Variants in BRD4 observed in about 807,000 individuals in gnomAD.
The protein encoded by BRD4 is bromodomain-containing protein 4.
BRD4 carries 16 observed loss-of-function variants against 142.1 expected under a neutral mutation model. The observed-to-expected ratio is 0.11, with a 90% confidence interval of 0.08 to 0.17. The LOEUF (loss-of-function observed/expected upper bound fraction) is 0.17, where lower values mean the gene tolerates loss of function less well. BRD4 is among the 10% of genes least tolerant of loss of function. The pLI is 1.00. For synonymous variants in BRD4, 833 were observed against 707.5 expected, an observed-to-expected ratio of 1.18 and a Z score of -2.82; for missense variants, 1,424 against 1,810.9, an observed-to-expected ratio of 0.79 and a Z score of 3.88.
intron 13 of BRD4, 46 bp from the exon 14 acceptor site, chr19:15,243,533 C>T (rs774828073): frequency 1.3e-6 from 2 of 1,498,786 alleles, no homozygotes; most frequent in East Asian, 2.4e-5. Context: ...GCACCTGTGG[C>T]CCCAGCCTGG....
In BRD4 at chr19:15,238,036, C is replaced by T. The variant is rs199752874; in HGVS notation, c.*341G>A. ...CCAGTCACGGCGGCAGCAACGATGT[C>T]CTGTGTATACTGTGTAGACATTTGG... On this transcript the variant is annotated 3_prime_UTR_variant, in exon 20 of 20. Transcript: ENST00000679869. The surrounding 1 kb of genome is among the most constrained non-coding windows in gnomAD (Gnocchi z 7.2). 4 of 295,596 alleles carry T rather than the reference C, an allele frequency of 1.4e-5. No homozygotes were observed. The highest frequency in any genetic ancestry group is 2.5e-5 in the Non-Finnish European group (4 of 158,310). 18.3% of individuals were successfully genotyped at this position (295,596 alleles called of 1,614,324 possible).
Position 15,309,634 on chromosome 19 carries a change from A to G in BRD4, c.-35+22656T>C, listed in dbSNP as rs376962291. Among the ~76,000 whole-genome samples the G allele has an allele frequency of 3.5e-4, 54 of 152,360 alleles. No individual in the cohort carries two copies. The East Asian group carries it at 5.0e-3, about 14-fold the overall frequency. On this transcript the variant is annotated intron_variant, in intron 1 of 19. Transcript: ENST00000679869. ...GTGGGCACTCACAGAGGTATTATTC[A>G]TAAGAGCCAAAAACTAGAAACCAAA...
chr19:15,307,251 C>G (rs531446122), intron 1 of BRD4, among the ~76,000 whole-genome samples: 1 of 152,152 alleles, frequency 6.6e-6, no homozygotes, highest in Non-Finnish European at 1.5e-5. Flanking sequence ...GAAGTAAGAG[C>G]GCTGCAGGGT....
chr19:15,284,526 A>T (rs552588833), intron 1 of BRD4, among the ~76,000 whole-genome samples: 1 of 152,192 alleles, frequency 6.6e-6, no homozygotes, highest in Non-Finnish European at 1.5e-5. Context: ...TTGATGGTCA[A>T]TGCCGTCCTA....
At chr19:15,325,727 A>C (rs1431253496) in intron 1 of BRD4, among the ~76,000 whole-genome samples, 1 of 152,146 alleles carries the variant, frequency 6.6e-6, no homozygotes, top group Non-Finnish European at 1.5e-5. Context: ...CACCAGATGA[A>C]GTGGCTCACA....
At chr19:15,332,227 G>C (rs2048168170) in intron 1 of BRD4, 63 bp downstream of exon 1, 1 of 147,462 alleles carries the variant, frequency 6.8e-6, no homozygotes, top group South Asian at 1.8e-4. Context: ...TACGCGGACC[G>C]CGCCGCGAGC....
At chr19:15,275,028 T>C (rs1181477227) in intron 1 of BRD4, among the ~76,000 whole-genome samples, 1 of 151,880 alleles carries the variant, frequency 6.6e-6, no homozygotes, top group African/African-American at 2.4e-5. Flanking sequence ...CTGGCTAATA[T>C]TTGTATTTTT....
In BRD4 at chr19:15,238,611, G is replaced by A; in HGVS notation, c.4020+132C>T. 6.8e-7 allele frequency: 1 copy of A among 1,468,834 alleles called. No individual in the cohort carries two copies. Among genetic ancestry groups the A allele is most frequent in the Middle Eastern group, 2.5e-4 (1 of 3,946 alleles). 91.0% of individuals were successfully genotyped at this position (1,468,834 alleles called of 1,614,324 possible). On this transcript the variant is annotated intron_variant, in intron 19 of 19. Coordinates refer to ENST00000679869, the MANE Select transcript of BRD4 (RefSeq NM_001379291.1). The surrounding 1 kb of genome is among the most constrained non-coding windows in gnomAD (Gnocchi z 7.2). ...ACTCAGGGCCCTACAGCTGAGTCCA[G>A]AGGACCACATGCCGACCAGCAGGGA... is the stretch of plus-strand genomic sequence containing the variant.
chr19:15,309,996 A>G (rs973026917), intron 1 of BRD4, among the ~76,000 whole-genome samples: 5 of 152,122 alleles, frequency 3.3e-5, no homozygotes, highest in Admixed American at 1.3e-4. Context: ...GCACCCTCGC[A>G]CTTAAAACAT....
At chr19:15,261,083 C>T (rs940794042) in intron 7 of BRD4, among the ~76,000 whole-genome samples, 18 of 152,216 alleles carry the variant, frequency 1.2e-4, no homozygotes, top group African/African-American at 1.2e-4. Flanking sequence ...GCAAAAGCTG[C>T]GCCCCTGTCT....
At chr19:15,292,985 C>A (rs974942878) in intron 1 of BRD4, among the ~76,000 whole-genome samples, 13 of 151,764 alleles carry the variant, frequency 8.6e-5, no homozygotes, top group Non-Finnish European at 1.9e-4. Context: ...GTTAAGTGCC[C>A]CTGAAAGGGT....
Position 15,244,316 on chromosome 19 carries a change from C to T in BRD4, c.2496G>A (p.Gln832=), listed in dbSNP as rs1396833623. Residue 832 remains glutamine (Q), a synonymous_variant, in exon 13 of 20, where the codon CAG becomes CAA. Coordinates refer to ENST00000679869, the MANE Select transcript of BRD4 (RefSeq NM_001379291.1). ...HFTQPILHLP[Q]PELPPHLPQP... Reference sequence around the variant, plus strand: ...GGGGCAGGTGAGGGGGCAGCTCAGGCTGCGGCAGGTGCAGGATGGGCTGGG... The same window carrying T: ...GGGGCAGGTGAGGGGGCAGCTCAGGTTGCGGCAGGTGCAGGATGGGCTGGG... The T allele has an allele frequency of 2.5e-6, 4 of 1,597,680 alleles. No individual in the cohort carries two copies. In the African/African-American group the frequency reaches 4.0e-5, roughly 16 times the overall value.
intron 1 of BRD4, among the ~76,000 whole-genome samples, chr19:15,294,354 T>A (rs1468388871): frequency 6.6e-5 from 10 of 152,244 alleles, no homozygotes; most frequent in African/African-American, 2.4e-4. Context: ...GCCCTCAAGA[T>A]GCTGTCTGCC....
intron 1 of BRD4, among the ~76,000 whole-genome samples, chr19:15,327,682 G>A (rs756732876): frequency 5.9e-5 from 9 of 152,132 alleles, no homozygotes; most frequent in Non-Finnish European, 1.2e-4. Context: ...ATATAATGGA[G>A]TATCATTCAG....
Position 15,239,336 on chromosome 19 carries a change from G to A in BRD4, c.3576+56C>T. On this transcript the variant is annotated intron_variant, in intron 17 of 19. Coordinates refer to ENST00000679869, the MANE Select transcript of BRD4 (RefSeq NM_001379291.1). This position sits in a 1 kb window ranked among gnomAD's most constrained non-coding sequence, Gnocchi z 7.4. The stretch of plus-strand genomic sequence containing the variant: ...AAGGGCATAGCTGGGGGTGTGCCCA[G>A]CATGGCACCTTCCAGGGCCAAGGGG... The A allele has an allele frequency of 3.1e-6, 5 of 1,614,104 alleles. No homozygotes were observed. In the South Asian group the frequency reaches 3.3e-5, roughly 11 times the overall value.
chr19:15,313,683 G>A (rs1269191039), intron 1 of BRD4, among the ~76,000 whole-genome samples: 1 of 152,116 alleles, frequency 6.6e-6, no homozygotes. Flanking sequence ...CTCAAAAAAA[G>A]TGTGAATGTA....
chr19:15,328,334 G>A (rs1454952928), intron 1 of BRD4, among the ~76,000 whole-genome samples: 2 of 152,096 alleles, frequency 1.3e-5, no homozygotes, highest in African/African-American at 2.4e-5. Flanking sequence ...ATTAAGAAAT[G>A]CTACCCATAT....
intron 11 of BRD4, among the ~76,000 whole-genome samples, chr19:15,246,105 G>T (rs1051135226): frequency 6.6e-6 from 1 of 152,202 alleles, no homozygotes; most frequent in Non-Finnish European, 1.5e-5. Flanking sequence ...GGCTGCAACT[G>T]GGGACACGGG....
At chr19:15,275,212 C>T (rs886084294) in intron 1 of BRD4, among the ~76,000 whole-genome samples, 1 of 152,182 alleles carries the variant, frequency 6.6e-6, no homozygotes, top group Admixed American at 6.5e-5. Flanking sequence ...TACAGAAAAC[C>T]TGACTCTTGA....
Sources: gnomAD v4.1 joint callset for allele counts (sites outside exome capture counted in the v4.1 genomes callset) on GRCh38, gnomAD v4.1.1 for gene constraint, Gnocchi (gnomAD v3.1) non-coding constraint, MANE v1.5 for transcripts, NCBI Gene and HGNC (gene_info 2026-07-23, HGNC 2026-07-21) for gene names.